EMSY: variants seen among roughly 807,000 people sequenced by gnomAD.
The protein encoded by EMSY is EMSY transcriptional repressor, BRCA2 interacting.
Under a neutral mutation model 134.6 loss-of-function variants are expected in EMSY, and 26 were observed. The ratio of observed to expected loss-of-function variants is 0.19; its 90% CI spans 0.14 to 0.27. The LOEUF (loss-of-function observed/expected upper bound fraction) is 0.27. Ranked by LOEUF, EMSY falls within the 10% of genes least tolerant of loss-of-function variation. The pLI is 1.00. For missense variants in EMSY, 1,305 were observed against 1,611.4 expected, an observed-to-expected ratio of 0.81 and a Z score of 3.26; for synonymous variants, 579 against 577.8, an observed-to-expected ratio of 1.00 and a Z score of -0.03.
intron 18 of EMSY, among the ~76,000 whole-genome samples, chr11:76,543,352 G>A (rs762539474): frequency 6.6e-6 from 1 of 152,198 alleles, no homozygotes; most frequent in East Asian, 1.9e-4. Flanking sequence ...TTATAGTTTA[G>A]GATTTAAGTG....
chr11:76,525,195 G>T (rs564016293), intron 12 of EMSY, among the ~76,000 whole-genome samples: 1 of 152,346 alleles, frequency 6.6e-6, no homozygotes, highest in African/African-American at 2.4e-5. Flanking sequence ...ATAGATAGGT[G>T]TGGTCACTTG....
chr11:76,448,883 T>C (rs936686004), intron 2 of EMSY, among the ~76,000 whole-genome samples: 1 of 152,184 alleles, frequency 6.6e-6, no homozygotes, highest in African/African-American at 2.4e-5. Context: ...ACTTAGATTT[T>C]ACATACATAT....
At chr11:76,532,671 G>T (rs544007525) in intron 14 of EMSY, among the ~76,000 whole-genome samples, 2 of 152,164 alleles carry the variant, frequency 1.3e-5, no homozygotes, top group African/African-American at 2.4e-5. Context: ...TTTTAAGGTG[G>T]ATTAAAATAT....
chr11:76,505,544 C>T (rs1039896772), intron 9 of EMSY, among the ~76,000 whole-genome samples: 1 of 151,342 alleles, frequency 6.6e-6, no homozygotes, highest in Non-Finnish European at 1.5e-5. Context: ...AGTGGTATTA[C>T]TTCATAGAAA....
chr11:76,517,319 A>G (rs933329163), intron 11 of EMSY, among the ~76,000 whole-genome samples: 1 of 152,228 alleles, frequency 6.6e-6, no homozygotes, highest in South Asian at 2.1e-4. Context: ...GATGTTTGCC[A>G]GACTGAGGAG....
intron 4 of EMSY, among the ~76,000 whole-genome samples, chr11:76,454,181 C>A (rs771222623): frequency 6.6e-6 from 1 of 152,104 alleles, no homozygotes; most frequent in Non-Finnish European, 1.5e-5. Flanking sequence ...AAATTCAGTG[C>A]ATTTCCATAA....
intron 2 of EMSY, among the ~76,000 whole-genome samples, chr11:76,448,508 G>C (rs1175444976): frequency 6.6e-6 from 1 of 152,038 alleles, no homozygotes. Flanking sequence ...GGGCTTGGGG[G>C]CCTTTGAATT....
chr11:76,481,118 A>C (rs1948961121), intron 8 of EMSY, among the ~76,000 whole-genome samples: 2 of 152,146 alleles, frequency 1.3e-5, no homozygotes, highest in Non-Finnish European at 2.9e-5. Context: ...ATCTCGGCTC[A>C]CTGCAAGCTC....
At chr11:76,537,866 A>C in exon 16 of EMSY, 1 of 1,613,580 alleles carries the variant, frequency 6.2e-7, no homozygotes, top group Non-Finnish European at 8.5e-7. Context: ...GCCTATTCAG[A>C]TGACCCAGGA....
At chr11:76,543,176 C>G (rs1251585281) in intron 18 of EMSY, among the ~76,000 whole-genome samples, 1 of 152,176 alleles carries the variant, frequency 6.6e-6, no homozygotes, top group Non-Finnish European at 1.5e-5. Context: ...CAGATTAAAG[C>G]ATGACTTATC....
In EMSY at chr11:76,544,695, T is replaced by C. The variant is rs199757019; in HGVS notation, c.3146T>C (p.Val1049Ala). The C allele has an allele frequency of 3.1e-6, 5 of 1,614,102 alleles. No homozygotes were observed. In the Admixed American group the frequency reaches 8.3e-5, roughly 27 times the overall value. The change falls in exon 19 of 21, where the codon GTG becomes GCG. Residue 1049 changes from valine to alanine, a missense_variant. Physicochemically the swap from Val to Ala is moderately conservative, Grantham distance 64 (BLOSUM62 0). This residue lies in a region of EMSY where 664 missense variants were observed against 763.9 expected (regional missense o/e 0.87). Transcript: ENST00000334736. ...CAAACTGTAGTACAGGTGCTTGCAG[T>C]GAAAACCACGCAGCAGCTCCCTAAA...
At chr11:76,502,373 A>AT (rs1305430618) in intron 9 of EMSY, among the ~76,000 whole-genome samples, 22 of 143,368 alleles carry the variant, frequency 1.5e-4, no homozygotes, top group Non-Finnish European at 2.4e-4. Context: ...CCTTTATATT[A>AT]TTTTTTTTTA....
At chr11:76,452,181 C>T (rs947322279) in intron 3 of EMSY, among the ~76,000 whole-genome samples, 8 of 152,154 alleles carry the variant, frequency 5.3e-5, no homozygotes, top group South Asian at 4.1e-4. Context: ...GAATGAAGAG[C>T]GTGCAAACTC....
chr11:76,546,001 G>A, exon 20 of EMSY: 8 of 1,614,160 alleles, frequency 5.0e-6, no homozygotes, highest in Non-Finnish European at 5.9e-6. Flanking sequence ...AGCTCAGATT[G>A]ATACAAATGT....
At position 76,462,905 on chromosome 11, in the gene EMSY, G is replaced by C. The variant is rs114416161; in HGVS notation, c.572-916G>C. 8.3e-3 allele frequency among the ~76,000 whole-genome samples: 1,260 copies of C among 152,348 alleles called. 18 individuals carry two copies. Among genetic ancestry groups the C allele is most frequent in the African/African-American group, 0.029 (1,195 of 41,578 alleles). ...GATGAGATGTGAAATTTTGCAACTA[G>C]TAGTAGGATTGAGGGTAGATAGAAG... On this transcript the variant is annotated intron_variant, in intron 6 of 20. Transcript: ENST00000334736.
At chr11:76,495,977 G>GA (rs1949638435) in intron 8 of EMSY, among the ~76,000 whole-genome samples, 2 of 152,028 alleles carry the variant, frequency 1.3e-5, no homozygotes, top group African/African-American at 4.8e-5. Context: ...TTCACCAAGG[G>GA]AAAATCAGTT....
rs1004397032 is a variant in EMSY at position 76,483,327 on chromosome 11, A to G, written c.1108+10487A>G. Among the ~76,000 whole-genome samples, 6 of 152,338 alleles carry G rather than the reference A, an allele frequency of 3.9e-5. No individual in the cohort carries two copies. The East Asian group carries it at 7.7e-4, about 20-fold the overall frequency. On this transcript the variant is annotated intron_variant, in intron 8 of 20. Transcript: ENST00000334736. ...CCAAATTGTAAAGACCATTGACACT[A>G]TGAAGAAACTGTATCAACTAATGGA...
At chr11:76,472,667 T>C in exon 8 of EMSY, 1 of 1,614,190 alleles carries the variant, frequency 6.2e-7, no homozygotes, top group South Asian at 1.1e-5. Context: ...ACGTCAGTCA[T>C]TGCTTCTACA....
At chr11:76,459,989 C>G (rs377074594) in exon 6 of EMSY, 43 of 1,614,080 alleles carry the variant, frequency 2.7e-5, no homozygotes, top group Non-Finnish European at 3.4e-5. Flanking sequence ...TACCCCTGTT[C>G]CAAGTGGCAG....
Sources: gnomAD v4.1 joint callset for allele counts (sites outside exome capture counted in the v4.1 genomes callset) on GRCh38, gnomAD v4.1.1 for gene constraint, gnomAD v4.1.1 regional missense constraint, MANE v1.5 for transcripts, NCBI Gene and HGNC (gene_info 2026-07-23, HGNC 2026-07-21) for gene names.